The following RGPD3 variants were observed in gnomAD, a reference collection of about 807,000 sequenced individuals.
RGPD3 encodes the protein ranBP2-like and GRIP domain-containing protein 3.
Under a neutral mutation model 154.5 loss-of-function variants are expected in RGPD3, and 62 were observed. That is an observed-to-expected ratio of 0.40 (90% CI 0.33 to 0.50). The LOEUF is 0.50. RGPD3 is among the 20% of genes least tolerant of loss of function. The pLI is 0.59. For missense variants in RGPD3, 919 were observed against 1,716.8 expected, an observed-to-expected ratio of 0.54 and a Z score of 8.21; for synonymous variants, 308 against 607.0, an observed-to-expected ratio of 0.51 and a Z score of 7.24.
At chr2:106,440,480 C>T (rs1677706119) in intron 8 of RGPD3, among the ~76,000 whole-genome samples, 1 of 150,686 alleles carries the variant, frequency 6.6e-6, no homozygotes, top group Admixed American at 6.6e-5. Context: ...TTATGAGAGC[C>T]CTGCAAGGGT....
At chr2:106,467,820 C>G (rs1375083409) in intron 1 of RGPD3, among the ~76,000 whole-genome samples, 1 of 141,536 alleles carries the variant, frequency 7.1e-6, no homozygotes, top group African/African-American at 2.7e-5. Flanking sequence ...GCGGCCTCAA[C>G]AGAGCGCGCC....
In RGPD3 at chr2:106,456,956, G is replaced by A. The variant is rs1219565236; in HGVS notation, c.405+15C>T. ...TATGTCTTAAGTTTTCTCCCTTTAT[G>A]TTTTGTTTGTTTACCTTTAGTTTAT... On this transcript the variant is annotated intron_variant, in intron 4 of 22. Coordinates refer to ENST00000409886, the MANE Select transcript of RGPD3 (RefSeq NM_001144013.2). 1.3e-6 allele frequency: 2 copies of A among 1,598,658 alleles called. No individual in the cohort carries two copies. The highest frequency in any genetic ancestry group is 1.7e-6 in the Non-Finnish European group (2 of 1,176,544).
chr2:106,467,970 C>A lies in RGPD3; in HGVS notation c.72+247G>T, dbSNP rs531972932. Among the ~76,000 whole-genome samples the A allele has an allele frequency of 6.4e-3, 892 of 139,226 alleles. 1 individual carries two copies. The highest frequency in any genetic ancestry group is 0.023 in the African/African-American group (816 of 35,500). 91.3% of individuals were successfully genotyped at this position (139,226 alleles called of 152,430 possible). On this transcript the variant is annotated intron_variant, in intron 1 of 22. Transcript: ENST00000409886. ...ATGACGCCTGAGCCATCGAGGCCGC[C>A]GCAGGGCCAGGTCGAGGCCGGCGCC...
In RGPD3 at chr2:106,422,903, A is replaced by G. The variant is rs546284285; in HGVS notation, c.4924+140T>C. ...CCTCACCATGAACTTATTAAGGGAG[A>G]AAAAAATTGCTCAAATATTTTAGGG... On this transcript the variant is annotated intron_variant, in intron 20 of 22. Transcript: ENST00000409886. The G allele has an allele frequency of 3.2e-4, 508 of 1,565,312 alleles. 7 individuals are homozygous for G. In the South Asian group the frequency reaches 5.0e-3, roughly 15 times the overall value.
chr2:106,410,416 AT>A (rs1262656701), intron 22 of RGPD3, among the ~76,000 whole-genome samples: 1 of 152,072 alleles, frequency 6.6e-6, no homozygotes, highest in South Asian at 2.1e-4. Context: ...TTCTTTAAAA[AT>A]ATCTGTTCTT....
Position 106,428,680 on chromosome 2 carries a change from A to T in RGPD3, c.2605+966T>A, listed in dbSNP as rs1677272665. ...TTTTATTCTAAATCTTTCCTGGGCTAAAAAGAGAGAGAGAGAAAAAAAAGG... is the reference window on the plus strand; with the variant it reads ...TTTTATTCTAAATCTTTCCTGGGCTTAAAAGAGAGAGAGAGAAAAAAAAGG... On this transcript the variant is annotated intron_variant, in intron 18 of 22. Coordinates refer to ENST00000409886, the MANE Select transcript of RGPD3 (RefSeq NM_001144013.2). 3.3e-5 allele frequency among the ~76,000 whole-genome samples: 5 copies of T among 152,030 alleles called. No homozygotes were observed. In the South Asian group the frequency reaches 8.4e-4, roughly 26 times the overall value.
chr2:106,415,479 C>A (rs1676796529), intron 21 of RGPD3, among the ~76,000 whole-genome samples: 1 of 151,792 alleles, frequency 6.6e-6, no homozygotes. Flanking sequence ...AGATCGAGAC[C>A]ATCCTGGATA....
intron 21 of RGPD3, among the ~76,000 whole-genome samples, chr2:106,415,022 A>G (rs1676782409): frequency 6.6e-6 from 1 of 152,118 alleles, no homozygotes; most frequent in African/African-American, 2.4e-5. Flanking sequence ...ACTCGTCAAC[A>G]AGCAGTATGA....
At chr2:106,461,335 G>T (rs1158668896) in intron 1 of RGPD3, among the ~76,000 whole-genome samples, 1 of 149,324 alleles carries the variant, frequency 6.7e-6, no homozygotes. Context: ...TAAAATAAGG[G>T]TTACTTGAAC....
At chr2:106,469,668 C>G (rs1041035353), upstream of RGPD3, among the ~76,000 whole-genome samples, 1 of 152,160 alleles carries the variant, frequency 6.6e-6, no homozygotes, top group African/African-American at 2.4e-5. Context: ...AGCCTCGTTC[C>G]ACATCACTTT....
At chr2:106,415,674 C>CAAAAAAAAAAAAAAA (rs879163469) in intron 21 of RGPD3, among the ~76,000 whole-genome samples, 176 bp downstream of exon 21, 4 of 44,750 alleles carry the variant, frequency 8.9e-5, no homozygotes, top group African/African-American at 4.1e-4. Context: ...AAGACTGTCT[C>CAAAAAAAAAAAAAAA]AAAAAAAAAA....
rs148164466 is a variant in RGPD3 at position 106,450,312 on chromosome 2, T to G, written c.782+1893A>C. On this transcript the variant is annotated intron_variant, in intron 6 of 22. Coordinates refer to ENST00000409886, the MANE Select transcript of RGPD3 (RefSeq NM_001144013.2). The stretch of plus-strand genomic sequence containing the variant: ...GAAGAATGGCGTGATACTGGGAGGT[T>G]CACAAGGCAGGTAACAAAGGGCCCA... Among the ~76,000 whole-genome samples the G allele has an allele frequency of 8.3e-4, 52 of 62,570 alleles. 10 individuals carry two copies. Among genetic ancestry groups the G allele is most frequent in the African/African-American group, 2.4e-3 (50 of 21,196 alleles). 41.0% of individuals were successfully genotyped at this position (62,570 alleles called of 152,430 possible). A position where few individuals can be genotyped will look rare whatever the true frequency, so the allele number is the denominator to read the frequency against.
At chr2:106,438,249 C>T (rs1167354481) in intron 9 of RGPD3, among the ~76,000 whole-genome samples, 1 of 151,948 alleles carries the variant, frequency 6.6e-6, no homozygotes, top group Non-Finnish European at 1.5e-5. Flanking sequence ...CTTTGGGGGG[C>T]TTAGGCAGGA....
chr2:106,430,459 C>T (rs1677337007), intron 17 of RGPD3, among the ~76,000 whole-genome samples: 1 of 144,624 alleles, frequency 6.9e-6, no homozygotes, highest in Non-Finnish European at 1.5e-5. Flanking sequence ...ACTTCTTTCC[C>T]CAACTTTCAC....
At position 106,411,436 on chromosome 2, in the gene RGPD3, A is replaced by G. The variant is rs1292330809; in HGVS notation, c.5266+1648T>C. ...TCAGTGTTACCCTGTAATGATTAAA[A>G]CCCAAATATAGAACTGCTATAGCAT... On this transcript the variant is annotated intron_variant, in intron 22 of 22. Transcript: ENST00000409886. 2.8e-5 allele frequency among the ~76,000 whole-genome samples: 4 copies of G among 141,248 alleles called. No individual in the cohort carries two copies. In the Admixed American group the frequency reaches 3.0e-4, roughly 11 times the overall value. 92.7% of individuals were successfully genotyped at this position (141,248 alleles called of 152,430 possible).
intron 6 of RGPD3, among the ~76,000 whole-genome samples, chr2:106,449,068 T>A (rs1181669349): frequency 6.6e-6 from 1 of 151,664 alleles, no homozygotes; most frequent in Admixed American, 6.6e-5. Flanking sequence ...AATCTAGCTA[T>A]GTTCTATTAA....
intron 8 of RGPD3, 93 bp downstream of exon 8, chr2:106,441,200 A>G (rs1424485967): frequency 1.2e-5 from 18 of 1,554,636 alleles, no homozygotes; most frequent in Middle Eastern, 4.7e-4. Flanking sequence ...TTGACAAATT[A>G]TCTCCTGGAC....
At chr2:106,446,754 G>T (rs1400704279) in intron 7 of RGPD3, among the ~76,000 whole-genome samples, 29 of 141,938 alleles carry the variant, frequency 2.0e-4, no homozygotes, top group South Asian at 6.9e-4. Flanking sequence ...TGGTAGCACG[G>T]GCCTGTAGTC....
chr2:106,468,339 C>T lies in RGPD3; in HGVS notation c.-51G>A, dbSNP rs1678715453. On this transcript the variant is annotated 5_prime_UTR_variant, in exon 1 of 23. Coordinates refer to ENST00000409886, the MANE Select transcript of RGPD3 (RefSeq NM_001144013.2). ...TGCGTGAGACCAGCGCTCAGCCCCG[C>T]AGCAGTCGCCAATTCCAAGAGGAAA... 24 of 1,564,144 alleles carry T rather than the reference C, an allele frequency of 1.5e-5. No individual in the cohort carries two copies. The highest frequency in any genetic ancestry group is 2.3e-4 in the Middle Eastern group (1 of 4,370).
Sources: gnomAD v4.1 joint callset for allele counts (sites outside exome capture counted in the v4.1 genomes callset) on GRCh38, gnomAD v4.1.1 for gene constraint, MANE v1.5 for transcripts, NCBI Gene and HGNC (gene_info 2026-07-23, HGNC 2026-07-21) for gene names.